Variants in CDK20 observed in about 807,000 individuals in gnomAD.
The protein encoded by CDK20 is cyclin dependent kinase 20.
A neutral mutation model predicts 38.6 loss-of-function variants in CDK20; 40 were observed. The ratio of observed to expected loss-of-function variants is 1.04; its 90% CI spans 0.81 to 1.35. The LOEUF (loss-of-function observed/expected upper bound fraction) is 1.35. Among genes scored for constraint, CDK20 ranks in the 40% most tolerant of loss-of-function variants. CDK20 has a pLI of 0.00. For synonymous variants in CDK20, 209 were observed against 185.7 expected (o/e 1.13, Z -1.02); for missense variants, 512 against 452.6 (o/e 1.13, Z -1.19).
chr9:87,967,300 C>T lies in CDK20; in HGVS notation c.*162G>A, dbSNP rs1006934227. 26 of 746,438 alleles carry T rather than the reference C, an allele frequency of 3.5e-5. No homozygotes were observed. In the Middle Eastern group the frequency reaches 6.7e-4, roughly 19 times the overall value. 46.2% of individuals were successfully genotyped at this position (746,438 alleles called of 1,614,324 possible). ...TCATACTCTTGGCTGGGAACATGAC[C>T]TCTGCCTCGAGACCAACCCTCGCAA... On this transcript the variant is annotated 3_prime_UTR_variant, in exon 8 of 8. Coordinates refer to ENST00000325303, the MANE Select transcript of CDK20 (RefSeq NM_001039803.3).
chr9:87,974,283 TA>T, intron 1 of CDK20, 88 bp downstream of exon 1: 2 of 1,406,240 alleles, frequency 1.4e-6, no homozygotes, highest in Non-Finnish European at 2.0e-6. Context: ...GTACTGGATG[TA>T]AAAAGGGAAC....
chr9:87,968,050 CAAGT>C (rs1167696264), intron 7 of CDK20: 5 of 170,584 alleles, frequency 2.9e-5, no homozygotes, highest in Admixed American at 1.7e-4. Context: ...GAGACATAAG[CAAGT>C]GGGACATGAG....
chr9:87,970,066 C>T, intron 5 of CDK20, 147 bp from the exon 6 acceptor site: 1 of 854,326 alleles, frequency 1.2e-6, no homozygotes, highest in Non-Finnish European at 1.7e-6. Context: ...TCCCTGAACC[C>T]TCAAAGCCCT....
In CDK20 at chr9:87,974,123, GAC is replaced by G. The variant is rs572956519; in HGVS notation, c.76-90_76-89del. ...GTGAGGGGAAGGTGGTTGAGAGAGA[GAC>G]ACGCGCCCCCGGCTCGGCCAGAGGC... is the stretch of plus-strand genomic sequence containing the variant. On this transcript the variant is annotated intron_variant, in intron 1 of 7. Transcript: ENST00000325303. 3,959 of 1,596,492 alleles carry G rather than the reference GAC, an allele frequency of 2.5e-3. 16 individuals carry two copies. The highest frequency in any genetic ancestry group is 3.1e-3 in the Non-Finnish European group (3,687 of 1,174,410).
intron 3 of CDK20, 120 bp downstream of exon 3, chr9:87,971,027 T>A: frequency 2.7e-6 from 4 of 1,489,812 alleles, no homozygotes; most frequent in Non-Finnish European, 3.7e-6. Flanking sequence ...CCTGGCCACT[T>A]ACCTGGAGGC....
At chr9:87,970,955 A>G in intron 3 of CDK20, 58 bp from the exon 4 acceptor site, 2 of 1,605,924 alleles carry the variant, frequency 1.2e-6, no homozygotes, top group South Asian at 2.2e-5. Context: ...CCTTGGGACA[A>G]GCGGGCTTGG....
At position 87,966,763 on chromosome 9, in the gene CDK20, A is replaced by G. The variant is rs1002716354; in HGVS notation, c.*699T>C. Reference sequence around the variant, plus strand: ...CAGAGGGTCTCCTGCTGGATCCCCAACTGGAGCCATCCCTGGGCCTAGACT... The same window carrying G: ...CAGAGGGTCTCCTGCTGGATCCCCAGCTGGAGCCATCCCTGGGCCTAGACT... On this transcript the variant is annotated 3_prime_UTR_variant, in exon 8 of 8. Transcript: ENST00000325303. 9.4e-6 allele frequency: 3 copies of G among 320,760 alleles called. No individual in the cohort carries two copies. Among genetic ancestry groups the G allele is most frequent in the Non-Finnish European group, 1.8e-5 (3 of 163,038 alleles). The allele number at this position is 320,760 out of a possible 1,614,324, so 19.9% of individuals were successfully genotyped here.
rs1310066109 is a variant in CDK20 at position 87,967,217 on chromosome 9, C to G, written c.*245G>C. On this transcript the variant is annotated 3_prime_UTR_variant, in exon 8 of 8. Coordinates refer to ENST00000325303, the MANE Select transcript of CDK20 (RefSeq NM_001039803.3). ...TCCTGATGGGTACGTCAGTAGCACA[C>G]AGAAGGTAAGGCTCACCGAGCACAG... 1.9e-5 allele frequency: 13 copies of G among 692,582 alleles called. No homozygotes were observed. Among genetic ancestry groups the G allele is most frequent in the African/African-American group, 1.6e-4 (9 of 57,706 alleles). The allele number at this position is 692,582 out of a possible 1,614,324, so 42.9% of individuals were successfully genotyped here.
At chr9:87,970,541 C>T in intron 5 of CDK20, 27 bp downstream of exon 5, 3 of 1,605,168 alleles carry the variant, frequency 1.9e-6, no homozygotes, top group Non-Finnish European at 1.7e-6. Context: ...AGCCATGTTA[C>T]CCTTTGACCA....
At chr9:87,973,718 A>G (rs974685910) in intron 2 of CDK20, among the ~76,000 whole-genome samples, 1 of 152,208 alleles carries the variant, frequency 6.6e-6, no homozygotes, top group Non-Finnish European at 1.5e-5. Context: ...GTGAGAAATG[A>G]AAGAAATAGG....
chr9:87,967,521 G>C lies in CDK20; in HGVS notation c.982C>G (p.Pro328Ala). 1 of 1,555,676 alleles carries C rather than the reference G, an allele frequency of 6.4e-7. No individual in the cohort carries two copies. The highest frequency in any genetic ancestry group is 8.7e-7 in the Non-Finnish European group (1 of 1,149,388). The part of the protein sequence containing the change: ...PHIHDFHVDR[P>A]LEESLLNPEL... ...GGGTTCAACAGCGACTCCTCAAGAG[G>C]CCGGTCCACGTGGAAGTCATGGATG... Residue 328 changes from proline to alanine, a missense_variant, in exon 8 of 8, where the codon CCT becomes GCT. Pro to Ala is a conservative substitution (Grantham distance 27). Coordinates refer to ENST00000325303, the MANE Select transcript of CDK20 (RefSeq NM_001039803.3).
chr9:87,974,105 G>A (rs571027805), intron 1 of CDK20, 70 bp from the exon 2 acceptor site: 3 of 1,606,660 alleles, frequency 1.9e-6, no homozygotes, highest in South Asian at 1.1e-5. Context: ...TGGGTGAGGG[G>A]AAGGTGGTTG....
rs1315218841 is a variant in CDK20, at chr9:87,967,415, G to C, written c.*47C>G. 1 of 1,538,986 alleles carries C rather than the reference G, an allele frequency of 6.5e-7. No homozygotes were observed. Among genetic ancestry groups the C allele is most frequent in the East Asian group, 2.4e-5 (1 of 40,826 alleles). On this transcript the variant is annotated 3_prime_UTR_variant, in exon 8 of 8. Transcript: ENST00000325303. ...CAGGCAGGTGGCAGAGGAACAGGTG[G>C]ACTGAGTGGTCCTGAGGAGCAGGCA...
At chr9:87,967,940 A>T (rs536734114) in intron 7 of CDK20, 572 of 307,258 alleles carry the variant, frequency 1.9e-3, no homozygotes, top group Non-Finnish European at 2.8e-3. Context: ...AGTGGAAGAG[A>T]GAAAGCAAGA....
chr9:87,971,412 G>T, intron 2 of CDK20, 77 bp from the exon 3 acceptor site: 1 of 1,363,870 alleles, frequency 7.3e-7, no homozygotes, highest in Non-Finnish European at 1.0e-6. Context: ...CCCAGCCCAT[G>T]CCCTGACAGA....
At chr9:87,970,732 C>T (rs1231116361) in intron 4 of CDK20, 44 bp downstream of exon 4, 13 of 1,613,342 alleles carry the variant, frequency 8.1e-6, no homozygotes, top group Non-Finnish European at 1.0e-5. Context: ...CCAGAAGCAT[C>T]TCTTCCCCAT....
intron 6 of CDK20, 167 bp from the exon 7 acceptor site, chr9:87,969,516 TCATC>T (rs1829700113): frequency 2.4e-6 from 2 of 819,840 alleles, no homozygotes; most frequent in Non-Finnish European, 3.8e-6. Flanking sequence ...CTGTATTCCT[TCATC>T]CATCCCCTTG....
At chr9:87,971,879 G>C (rs1829886415) in intron 2 of CDK20, among the ~76,000 whole-genome samples, 1 of 152,178 alleles carries the variant, frequency 6.6e-6, no homozygotes, top group African/African-American at 2.4e-5. Context: ...GAATAAAAGG[G>C]ATATATTCAG....
At position 87,969,323 on chromosome 9, in the gene CDK20, G is replaced by C. The variant is rs907323696; in HGVS notation, c.714C>G (p.Asn238Lys). The change falls in exon 7 of 8, where the codon AAC becomes AAG. Residue 238 changes from asparagine to lysine, a missense_variant. By Grantham distance (94) the Asn-to-Lys change is moderately conservative. Transcript: ENST00000325303. ...WPELTELPDY[N>K]KISFKEQVPM... The stretch of plus-strand genomic sequence containing the variant: ...GCACCTGCTCCTTAAAGGAGATCTT[G>C]TTGTAGTCCGGCAGCTCAGTGAGCT... 6.2e-7 allele frequency: 1 copy of C among 1,613,914 alleles called. No homozygotes were observed. Among genetic ancestry groups the C allele is most frequent in the South Asian group, 1.1e-5 (1 of 91,060 alleles).
Sources: allele counts gnomAD v4.1 joint callset (sites outside exome capture counted in the v4.1 genomes callset), GRCh38; gene constraint gnomAD v4.1.1; transcripts MANE v1.5; gene names NCBI Gene and HGNC (gene_info 2026-07-23, HGNC 2026-07-21).